ZNF772: variants seen among roughly 807,000 people sequenced by gnomAD.
ZNF772 encodes the protein zinc finger protein 772.
A neutral mutation model predicts 11.0 loss-of-function variants in ZNF772; 8 were observed. The observed-to-expected ratio is 0.73, with a 90% CI of 0.43 to 1.31. ZNF772 has a LOEUF of 1.31. ZNF772 is among the 50% of genes most tolerant of loss of function. The pLI is 0.01. For synonymous variants in ZNF772, 155 were observed against 180.4 expected (o/e 0.86, Z 1.13); for missense variants, 496 against 552.3 (o/e 0.90, Z 1.02).
chr19:57,475,559 C>G lies in ZNF772; in HGVS notation c.199+101G>C. On this transcript the variant is annotated intron_variant, in intron 3 of 3. Coordinates refer to ENST00000356584, the MANE Select transcript of ZNF772 (RefSeq NM_001144068.2). The surrounding 1 kb of genome is among the most constrained non-coding windows in gnomAD (Gnocchi z 4.2). ...CTACTCCAGGCACTAAGAAATGAGA[C>G]AGTGTCCACGGCTCTGATGTAGGAA... 1 of 1,569,830 alleles carries G rather than the reference C, an allele frequency of 6.4e-7. No homozygotes were observed. Among genetic ancestry groups the G allele is most frequent in the Non-Finnish European group, 8.8e-7 (1 of 1,141,876 alleles).
At chr19:57,477,000 G>A (rs2089292252) in intron 1 of ZNF772, among the ~76,000 whole-genome samples, 2 of 152,296 alleles carry the variant, frequency 1.3e-5, no homozygotes, top group African/African-American at 2.4e-5. Context: ...GATATTCCAG[G>A]TGCAATCACT....
rs893883901 is a variant in ZNF772, at chr19:57,473,949, A to G, written c.672T>C (p.His224=). The change falls in exon 4 of 4, where the codon CAT becomes CAC. Residue 224 remains histidine (H), a synonymous_variant. Transcript: ENST00000356584. ...TTTTCCCACATTCACTGCATTTGTA[A>G]TGCCTTTTTCCACAGTGAGAGGCCT... is the stretch of plus-strand genomic sequence containing the variant. ...CEEASHCGKR[H]YKCSECGKTF... 2.5e-6 allele frequency: 4 copies of G among 1,614,066 alleles called. No individual in the cohort carries two copies. The highest frequency in any genetic ancestry group is 1.7e-5 in the Admixed American group (1 of 60,008).
Position 57,477,302 on chromosome 19 carries a change from G to T in ZNF772, c.8C>A (p.Ala3Glu). ...CTGTGCCGGGCCCATCGGCTCAGCCGCCGCCATCAGGCCTGTGGACTACGG... is the reference window on the plus strand; with the variant it reads ...CTGTGCCGGGCCCATCGGCTCAGCCTCCGCCATCAGGCCTGTGGACTACGG... MA[A>E]AEPMGPAQVP... is the part of the protein sequence containing the mutation. Residue 3 changes from alanine to glutamate, a missense_variant, in exon 1 of 4, where the codon GCG (alanine) becomes GAG (glutamate). Coordinates refer to ENST00000356584, the MANE Select transcript of ZNF772 (RefSeq NM_001144068.2). 6.2e-7 allele frequency: 1 copy of T among 1,613,782 alleles called. No individual in the cohort carries two copies. Among genetic ancestry groups the T allele is most frequent in the Non-Finnish European group, 8.5e-7 (1 of 1,179,902 alleles).
Position 57,475,203 on chromosome 19 carries a change from T to G in ZNF772, c.199+457A>C. ...GTAACCCATATAGAAAACTAAATAT[T>G]ATTAAAATAATCTCAGAGTAAGGTC... On this transcript the variant is annotated intron_variant, in intron 3 of 3. Transcript: ENST00000356584. This position sits in a 1 kb window ranked among gnomAD's most constrained non-coding sequence, Gnocchi z 4.2. The G allele has an allele frequency of 6.3e-7, 1 of 1,594,472 alleles. No homozygotes were observed.
At position 57,473,392 on chromosome 19, in the gene ZNF772, T is replaced by C. The variant is rs778658970; in HGVS notation, c.1229A>G (p.Gln410Arg). The C allele has an allele frequency of 6.2e-7, 1 of 1,613,712 alleles. No individual in the cohort carries two copies. Among genetic ancestry groups the C allele is most frequent in the Non-Finnish European group, 8.5e-7 (1 of 1,179,934 alleles). Residue 410 changes from glutamine to arginine, a missense_variant, in exon 4 of 4, where the codon CAG (glutamine) becomes CGG (arginine). Transcript: ENST00000356584. ...KAFSHKHVLV[Q>R]HHRIHTGERP... ...TTCTCCAGTGTGAATTCTATGATGC[T>C]GAACAAGTACATGTTTGTGGCTAAA...
chr19:57,472,278 A>T lies in ZNF772; in HGVS notation c.*996T>A. The T allele has an allele frequency of 2.4e-6, 1 of 425,204 alleles. No individual in the cohort carries two copies. Among genetic ancestry groups the T allele is most frequent in the Non-Finnish European group, 4.7e-6 (1 of 214,128 alleles). 26.3% of individuals were successfully genotyped at this position (425,204 alleles called of 1,614,324 possible). A position where few individuals can be genotyped will look rare whatever the true frequency, so the allele number is the denominator to read the frequency against. On this transcript the variant is annotated 3_prime_UTR_variant, in exon 4 of 4. Coordinates refer to ENST00000356584, the MANE Select transcript of ZNF772 (RefSeq NM_001144068.2). ...AGCCAATATCAACTGCCTACTGAAAAATAGACTTCAGAGATCTTGACATGT... is the reference window on the plus strand; with the variant it reads ...AGCCAATATCAACTGCCTACTGAAATATAGACTTCAGAGATCTTGACATGT...
Position 57,473,459 on chromosome 19 carries a change from T to G in ZNF772, c.1162A>C (p.Asn388His). 6.2e-7 allele frequency: 1 copy of G among 1,614,162 alleles called. No individual in the cohort carries two copies. The highest frequency in any genetic ancestry group is 1.1e-5 in the South Asian group (1 of 91,080). The change falls in exon 4 of 4, where the codon AAT (asparagine) becomes CAT (histidine). Residue 388 changes from asparagine to histidine, a missense_variant. Coordinates refer to ENST00000356584, the MANE Select transcript of ZNF772 (RefSeq NM_001144068.2). Reference sequence around the variant, plus strand: ...CTGCACACATAAGGCTTTTCACCATTATGAACTCTTTGATGTGCAATAAGG... The same window carrying G: ...CTGCACACATAAGGCTTTTCACCATGATGAACTCTTTGATGTGCAATAAGG... ...SDLIAHQRVH[N>H]GEKPYVCSEC...
rs1469415630 is a variant in ZNF772, at chr19:57,475,430, A to G, written c.199+230T>C. 6.6e-6 allele frequency among the ~76,000 whole-genome samples: 1 copy of G among 152,230 alleles called. No homozygotes were observed. The highest frequency in any genetic ancestry group is 1.5e-5 in the Non-Finnish European group (1 of 68,034). On this transcript the variant is annotated intron_variant, in intron 3 of 3. Coordinates refer to ENST00000356584, the MANE Select transcript of ZNF772 (RefSeq NM_001144068.2). The surrounding 1 kb of genome is among the most constrained non-coding windows in gnomAD (Gnocchi z 4.2). Reference sequence around the variant, plus strand: ...CCACTGGGCTGACAATACAATGCATAACTCCTGAATCCATGCCTGCAAGGC... The same window carrying G: ...CCACTGGGCTGACAATACAATGCATGACTCCTGAATCCATGCCTGCAAGGC...
intron 2 of ZNF772, chr19:57,476,390 T>C (rs890994758): frequency 1.8e-6 from 1 of 541,158 alleles, no homozygotes. Flanking sequence ...CTCTAAGTAT[T>C]TTGCACAGGC....
rs1336571909 is a variant in ZNF772 at position 57,476,669 on chromosome 19, G to C, written c.37C>G (p.Pro13Ala). 1 of 1,597,266 alleles carries C rather than the reference G, an allele frequency of 6.3e-7. No individual in the cohort carries two copies. The highest frequency in any genetic ancestry group is 2.2e-5 in the East Asian group (1 of 44,522). The change falls in exon 2 of 4, where the codon CCC (proline) becomes GCC (alanine). Residue 13 changes from proline (P) to alanine (A), a missense_variant. Transcript: ENST00000356584. ...AAEPMGPAQV[P>A]MNSEVIVDPI... The stretch of plus-strand genomic sequence containing the variant: ...TCCACAATTACTTCTGAGTTCATGG[G>C]AACCTGTGGGGAAGAGGGAGACTAT...
In ZNF772 at chr19:57,477,394, T is replaced by A. The variant is rs534093527; in HGVS notation, c.-85A>T. Reference sequence around the variant, plus strand: ...GGGCCCAGCCCAGCGGCTAGGTCACTCAGGCAGCGCCACTGTCAAGCCTCA... The same window carrying A: ...GGGCCCAGCCCAGCGGCTAGGTCACACAGGCAGCGCCACTGTCAAGCCTCA... On this transcript the variant is annotated 5_prime_UTR_variant, in exon 1 of 4. Transcript: ENST00000356584. 3 of 1,497,544 alleles carry A rather than the reference T, an allele frequency of 2.0e-6. No homozygotes were observed. Among genetic ancestry groups the A allele is most frequent in the African/African-American group, 2.8e-5 (2 of 72,356 alleles). 92.8% of individuals were successfully genotyped at this position (1,497,544 alleles called of 1,614,324 possible).
chr19:57,476,550 A>C, intron 2 of ZNF772, 84 bp downstream of exon 2: 1 of 1,488,656 alleles, frequency 6.7e-7, no homozygotes, highest in Non-Finnish European at 9.4e-7. Flanking sequence ...GAGTAGCAGG[A>C]GAGTGTTCTA....
rs2089276861 is a variant in ZNF772, at chr19:57,475,786, C to T, written c.73G>A (p.Gly25Arg). Residue 25 changes from glycine to arginine, a missense_variant and splice_region_variant, in exon 3 of 4, where the codon GGG becomes AGG. By Grantham distance (125) the Gly-to-Arg change is moderately radical. Coordinates refer to ENST00000356584, the MANE Select transcript of ZNF772 (RefSeq NM_001144068.2). The surrounding 1 kb of genome is among the most constrained non-coding windows in gnomAD (Gnocchi z 4.2). ...NSEVIVDPIQGQVNFEDVFVY... is the reference protein window; with the variant it reads ...NSEVIVDPIQRQVNFEDVFVY... ...AACACGTCCTCAAAGTTCACCTGCCCCTGCCACAATCAGGAGAGCCAAGTC... is the reference window on the plus strand; with the variant it reads ...AACACGTCCTCAAAGTTCACCTGCCTCTGCCACAATCAGGAGAGCCAAGTC... 1.3e-6 allele frequency: 2 copies of T among 1,595,752 alleles called. No individual in the cohort carries two copies. Among genetic ancestry groups the T allele is most frequent in the East Asian group, 2.2e-5 (1 of 44,836 alleles).
Position 57,477,399 on chromosome 19 carries a change from C to A in ZNF772, c.-90G>T. On this transcript the variant is annotated 5_prime_UTR_variant, in exon 1 of 4. Transcript: ENST00000356584. ...CAGCCCAGCGGCTAGGTCACTCAGG[C>A]AGCGCCACTGTCAAGCCTCAGGCCC... 1.4e-6 allele frequency: 2 copies of A among 1,455,808 alleles called. No homozygotes were observed. Among genetic ancestry groups the A allele is most frequent in the Non-Finnish European group, 1.9e-6 (2 of 1,049,190 alleles). 90.2% of individuals were successfully genotyped at this position (1,455,808 alleles called of 1,614,324 possible). A position where few individuals can be genotyped will look rare whatever the true frequency, so the allele number is the denominator to read the frequency against.
At position 57,470,785 on chromosome 19, in the gene ZNF772, C is replaced by T. The variant is rs374446288; in HGVS notation, c.*2489G>A. On this transcript the variant is annotated 3_prime_UTR_variant, in exon 4 of 4. Coordinates refer to ENST00000356584, the MANE Select transcript of ZNF772 (RefSeq NM_001144068.2). ...GAAAAATTTGAGTACTTAAATAAAA[C>T]AGAAAAACTCCTTGAAAGACACAAA... is the stretch of plus-strand genomic sequence containing the variant. The T allele has an allele frequency of 7.2e-5, 11 of 152,182 alleles. No individual in the cohort carries two copies. Among genetic ancestry groups the T allele is most frequent in the African/African-American group, 2.6e-4 (11 of 41,530 alleles). 9.4% of individuals were successfully genotyped at this position (152,182 alleles called of 1,614,324 possible). A position where few individuals can be genotyped will look rare whatever the true frequency, so the allele number is the denominator to read the frequency against.
chr19:57,474,541 G>T, intron 3 of ZNF772, 120 bp from the exon 4 acceptor site: 2 of 1,032,006 alleles, frequency 1.9e-6, no homozygotes, highest in East Asian at 2.5e-5. Flanking sequence ...GTTAGGACAA[G>T]GGTCCAAACT....
chr19:57,475,473 T>C lies in ZNF772; in HGVS notation c.199+187A>G. 1 of 968,358 alleles carries C rather than the reference T, an allele frequency of 1.0e-6. No individual in the cohort carries two copies. Among genetic ancestry groups the C allele is most frequent in the Non-Finnish European group, 1.6e-6 (1 of 616,394 alleles). 60.0% of individuals were successfully genotyped at this position (968,358 alleles called of 1,614,324 possible). A position where few individuals can be genotyped will look rare whatever the true frequency, so the allele number is the denominator to read the frequency against. On this transcript the variant is annotated intron_variant, in intron 3 of 3. Transcript: ENST00000356584. The surrounding 1 kb of genome is among the most constrained non-coding windows in gnomAD (Gnocchi z 4.2). ...TGCAAGGCTCTGAGACAGCAAGCGC[T>C]GGGAATGCTCAAAAGGAGAAAGTAG...
Position 57,473,735 on chromosome 19 carries a change from G to A in ZNF772, c.886C>T (p.Leu296Phe). 1 of 1,614,154 alleles carries A rather than the reference G, an allele frequency of 6.2e-7. No homozygotes were observed. Among genetic ancestry groups the A allele is most frequent in the Non-Finnish European group, 8.5e-7 (1 of 1,180,030 alleles). The change falls in exon 4 of 4, where the codon CTT becomes TTT. Residue 296 changes from leucine to phenylalanine, a missense_variant. Leu to Phe is a conservative substitution (Grantham distance 22). Transcript: ENST00000356584. ...GTGTGTACTCTTTGATGTACAATAA[G>A]GTTAGAGCTATGATTAAAAACTTTC... is the stretch of plus-strand genomic sequence containing the variant. ...CGKVFNHSSN[L>F]IVHQRVHTGA...
Position 57,475,590 on chromosome 19 carries a change from AAGAT to A in ZNF772, c.199+66_199+69del, listed in dbSNP as rs747978792. ...CCACGGCTCTGATGTAGGAAGGACA[AAGAT>A]GCCCTGAAAAAAAGGGGAAGGGCAG... On this transcript the variant is annotated intron_variant, in intron 3 of 3. Coordinates refer to ENST00000356584, the MANE Select transcript of ZNF772 (RefSeq NM_001144068.2). The surrounding 1 kb of genome is among the most constrained non-coding windows in gnomAD (Gnocchi z 4.2). 6.8e-6 allele frequency: 11 copies of A among 1,607,242 alleles called. No individual in the cohort carries two copies. In the African/African-American group the frequency reaches 1.3e-4, roughly 20 times the overall value.
Sources: gnomAD v4.1 joint callset for allele counts (sites outside exome capture counted in the v4.1 genomes callset) on GRCh38, gnomAD v4.1.1 for gene constraint, Gnocchi (gnomAD v3.1) non-coding constraint, MANE v1.5 for transcripts, NCBI Gene and HGNC (gene_info 2026-07-23, HGNC 2026-07-21) for gene names.